APOL1: variants seen among roughly 807,000 people sequenced by gnomAD.
The protein encoded by APOL1 is apolipoprotein L1.
A neutral mutation model predicts 14.9 loss-of-function variants in APOL1; 17 were observed. The observed-to-expected ratio is 1.14, with a 90% confidence interval of 0.78 to 1.71. APOL1 has a LOEUF of 1.71. Ranked by LOEUF, APOL1 falls within the 40% of genes most tolerant of loss-of-function variation. APOL1 has a pLI of 0.00. For missense variants in APOL1, 523 were observed against 485.9 expected (o/e 1.08, Z -0.72); for synonymous variants, 195 against 184.8 (o/e 1.05, Z -0.45).
chr22:36,264,810 CTTTTTTTT>C (rs368899919), intron 5 of APOL1, among the ~76,000 whole-genome samples: 1 of 120,430 alleles, frequency 8.3e-6, no homozygotes, highest in African/African-American at 2.9e-5. Flanking sequence ...AACTGCATTT[CTTTTTTTT>C]TTTTTTTTTT....
intron 1 of APOL1, among the ~76,000 whole-genome samples, chr22:36,254,212 A>G (rs1397113009): frequency 6.6e-6 from 1 of 152,110 alleles, no homozygotes; most frequent in Non-Finnish European, 1.5e-5. Context: ...AACCTGATAG[A>G]GCTGCCAAAA....
At chr22:36,259,698 G>A (rs2016015582) in intron 4 of APOL1, 1 of 1,303,698 alleles carries the variant, frequency 7.7e-7, no homozygotes, top group Admixed American at 2.3e-5. Context: ...TGACAGTGGA[G>A]AGCCGTGTAC....
chr22:36,258,925 C>G (rs891394293), intron 4 of APOL1, among the ~76,000 whole-genome samples: 1 of 152,148 alleles, frequency 6.6e-6, no homozygotes, highest in African/African-American at 2.4e-5. Context: ...CTGGTCTTAG[C>G]TGAATTGGCC....
intron 2 of APOL1, 48 bp downstream of exon 2, chr22:36,255,047 G>T: frequency 6.3e-7 from 1 of 1,582,898 alleles, no homozygotes; most frequent in South Asian, 1.1e-5. Flanking sequence ...CTCCCTGTCT[G>T]GGCTGCACAA....
intron 2 of APOL1, 113 bp from the exon 3 acceptor site, chr22:36,256,970 G>A: frequency 1.7e-6 from 2 of 1,152,494 alleles, no homozygotes; most frequent in Admixed American, 2.1e-5. Context: ...CCAGGCCCTG[G>A]TCATTGTCAG....
intron 2 of APOL1, 65 bp downstream of exon 2, chr22:36,255,064 T>A (rs1230158506): frequency 1.5e-5 from 24 of 1,552,814 alleles, no homozygotes; most frequent in Middle Eastern, 1.7e-4. Context: ...ACAATTGGAC[T>A]GGGCTTGGGC....
chr22:36,257,720 G>A (rs1315076182), intron 4 of APOL1, among the ~76,000 whole-genome samples: 2 of 150,700 alleles, frequency 1.3e-5, no homozygotes, highest in Non-Finnish European at 3.0e-5. Context: ...AGTGTGGGGA[G>A]AGCAGGGTCC....
Position 36,265,410 on chromosome 22 carries a change from G to A in APOL1, c.574G>A (p.Val192Ile), listed in dbSNP as rs550306376. Residue 192 changes from valine (V) to isoleucine (I), a missense_variant, in exon 6 of 6, where the codon GTC becomes ATC. By Grantham distance (29) the Val-to-Ile change is conservative. Coordinates refer to ENST00000397278, the MANE Select transcript of APOL1 (RefSeq NM_003661.4). ...CATTTCCTCTGGCATCCTGACCCTC[G>A]TCGGCATGGGTCTGGCACCCTTCAC... ...LSISSGILTL[V>I]GMGLAPFTEG... 1.2e-5 allele frequency: 19 copies of A among 1,613,804 alleles called. 1 individual carries two copies. The Admixed American group carries it at 1.3e-4, about 11-fold the overall frequency.
In APOL1 at chr22:36,266,833, A is replaced by T; in HGVS notation, c.*800A>T. On this transcript the variant is annotated 3_prime_UTR_variant, in exon 6 of 6. Transcript: ENST00000397278. The stretch of plus-strand genomic sequence containing the variant: ...GGCAGGAGAATGGCGTGAACCTGGG[A>T]GGTGGAGCTTGCAGTGAGCCGAGAT... 2.4e-5 allele frequency: 5 copies of T among 212,306 alleles called. No individual in the cohort carries two copies. Among genetic ancestry groups the T allele is most frequent in the South Asian group, 2.0e-4 (1 of 4,934 alleles). 13.2% of individuals were successfully genotyped at this position (212,306 alleles called of 1,614,324 possible). A position where few individuals can be genotyped will look rare whatever the true frequency, so the allele number is the denominator to read the frequency against.
rs756774199 is a variant in APOL1, at chr22:36,257,416, A to G, written c.187+9A>G. On this transcript the variant is annotated intron_variant, in intron 4 of 5. Transcript: ENST00000397278. ...TGGCACCATGGACCCAGGTAGGCTC[A>G]CCTCCTCTTCCCTGCTGGTTCCTAC... The G allele has an allele frequency of 3.0e-5, 49 of 1,611,204 alleles. No homozygotes were observed. The highest frequency in any genetic ancestry group is 8.5e-7 in the Non-Finnish European group (1 of 1,177,510).
At chr22:36,262,019 T>C in intron 5 of APOL1, among the ~76,000 whole-genome samples, 1 of 152,226 alleles carries the variant, frequency 6.6e-6, no homozygotes, top group East Asian at 1.9e-4. Context: ...AATGGAGTTT[T>C]ATTGTGAGAA....
At chr22:36,262,728 T>C (rs960130451) in intron 5 of APOL1, among the ~76,000 whole-genome samples, 1 of 152,224 alleles carries the variant, frequency 6.6e-6, no homozygotes, top group Admixed American at 6.5e-5. Flanking sequence ...CCAACACTCA[T>C]GGGCATATAG....
intron 5 of APOL1, among the ~76,000 whole-genome samples, chr22:36,264,321 C>T (rs866578185): frequency 7.2e-5 from 11 of 152,158 alleles, no homozygotes; most frequent in African/African-American, 1.9e-4. Flanking sequence ...GATTCCTATA[C>T]GGTCCCGTGG....
At chr22:36,253,603 G>T (rs368928066) in intron 1 of APOL1, among the ~76,000 whole-genome samples, 4 of 152,214 alleles carry the variant, frequency 2.6e-5, no homozygotes, top group Admixed American at 6.5e-5. Context: ...ACCAAGGCTG[G>T]CCCCAGGGTG....
At chr22:36,264,943 C>T (rs1276109375) in intron 5 of APOL1, among the ~76,000 whole-genome samples, 1 of 151,306 alleles carries the variant, frequency 6.6e-6, no homozygotes, top group Non-Finnish European at 1.5e-5. Context: ...TCCTGAGTAG[C>T]TGGGACTACA....
chr22:36,266,000 T>G lies in APOL1; in HGVS notation c.1164T>G (p.Asn388Lys), dbSNP rs796687691. ...LEEKLNILNN[N>K]YKILQADQEL is the part of the protein sequence containing the mutation. ...AGAAGCTAAACATTCTCAACAATAA[T>G]TATAAGATTCTGCAGGCGGACCAAG... The change falls in exon 6 of 6, where the codon AAT (asparagine) becomes AAG (lysine). Residue 388 changes from asparagine (N) to lysine (K), a missense_variant. By Grantham distance (94) the Asn-to-Lys change is moderately conservative. Transcript: ENST00000397278. 6.3e-7 allele frequency: 1 copy of G among 1,590,774 alleles called. No individual in the cohort carries two copies. Among genetic ancestry groups the G allele is most frequent in the Admixed American group, 1.7e-5 (1 of 58,842 alleles).
chr22:36,261,841 G>T lies in APOL1; in HGVS notation c.314+119G>T. 3.1e-6 allele frequency: 4 copies of T among 1,293,370 alleles called. No individual in the cohort carries two copies. In the South Asian group the frequency reaches 6.3e-5, roughly 20 times the overall value. The allele number at this position is 1,293,370 out of a possible 1,614,324, so 80.1% of individuals were successfully genotyped here. ...GGCAGCCCCCTCTGCTGGGCTTGAGGATGACCTTCTTGGCACTCCAGGAAG... is the reference window on the plus strand; with the variant it reads ...GGCAGCCCCCTCTGCTGGGCTTGAGTATGACCTTCTTGGCACTCCAGGAAG... On this transcript the variant is annotated intron_variant, in intron 5 of 5. Coordinates refer to ENST00000397278, the MANE Select transcript of APOL1 (RefSeq NM_003661.4).
intron 2 of APOL1, among the ~76,000 whole-genome samples, chr22:36,255,907 C>T (rs1342940366): frequency 1.3e-5 from 2 of 151,804 alleles, no homozygotes; most frequent in African/African-American, 4.8e-5. Flanking sequence ...TCTATCTCTC[C>T]TCTCCACCTT....
chr22:36,264,136 CCTT>C (rs1172306629), intron 5 of APOL1, among the ~76,000 whole-genome samples: 2 of 152,142 alleles, frequency 1.3e-5, no homozygotes, highest in Non-Finnish European at 2.9e-5. Context: ...AGGAGAAAGT[CCTT>C]CTTTCTCAAC....
Sources: gnomAD v4.1 joint callset for allele counts (sites outside exome capture counted in the v4.1 genomes callset) on GRCh38, gnomAD v4.1.1 for gene constraint, MANE v1.5 for transcripts, NCBI Gene and HGNC (gene_info 2026-07-23, HGNC 2026-07-21) for gene names.